E2F2: variants seen among roughly 807,000 people sequenced by gnomAD.
The protein encoded by E2F2 is transcription factor E2F2.
E2F2 carries 22 observed loss-of-function variants against 42.2 expected under a neutral mutation model. That is an observed-to-expected ratio of 0.52 (90% CI 0.37 to 0.74). The LOEUF (loss-of-function observed/expected upper bound fraction) is 0.74, where lower values mean the gene tolerates loss of function less well. E2F2 is among the 30% of genes least tolerant of loss of function. The pLI, the probability that E2F2 is intolerant of heterozygous loss-of-function variation, is 0.00. For synonymous variants in E2F2, 248 were observed against 251.6 expected (o/e 0.99, Z 0.13); for missense variants, 481 against 557.8 (o/e 0.86, Z 1.39).
chr1:23,512,486 C>T (rs945722629), intron 6 of E2F2, among the ~76,000 whole-genome samples: 1 of 152,090 alleles, frequency 6.6e-6, no homozygotes, highest in South Asian at 2.1e-4. Flanking sequence ...TTGTTTGGCA[C>T]GCTGCTGATG....
rs747749050 is a variant in E2F2 at position 23,509,755 on chromosome 1, C to T, written c.*125G>A. 7.5e-5 allele frequency: 106 copies of T among 1,408,846 alleles called. No individual in the cohort carries two copies. The highest frequency in any genetic ancestry group is 9.6e-5 in the Non-Finnish European group (103 of 1,077,082). 87.3% of individuals were successfully genotyped at this position (1,408,846 alleles called of 1,614,324 possible). A position where few individuals can be genotyped will look rare whatever the true frequency, so the allele number is the denominator to read the frequency against. ...CTTCTGCCGGCTGGGGCAGGAAAGG[C>T]GAGGAGACCCCATGCCCTGAGGGCA... is the stretch of plus-strand genomic sequence containing the variant. On this transcript the variant is annotated 3_prime_UTR_variant, in exon 7 of 7. Transcript: ENST00000361729.
Position 23,531,231 on chromosome 1 carries a change from T to A in E2F2, c.-438A>T. 6.0e-6 allele frequency: 1 copy of A among 167,984 alleles called. No homozygotes were observed. The allele number at this position is 167,984 out of a possible 1,614,324, so 10.4% of individuals were successfully genotyped here. A position where few individuals can be genotyped will look rare whatever the true frequency, so the allele number is the denominator to read the frequency against. On this transcript the variant is annotated 5_prime_UTR_variant, in exon 1 of 7. Coordinates refer to ENST00000361729, the MANE Select transcript of E2F2 (RefSeq NM_004091.4). ...TCGCTCTCTAGTCCTTGAGTCTTTC[T>A]CTGCCTCTTTTTTTTCTTCTTTTTT... is the stretch of plus-strand genomic sequence containing the variant.
intron 6 of E2F2, among the ~76,000 whole-genome samples, chr1:23,513,562 ATGTGTG>A (rs71023281): frequency 0.031 from 4,236 of 135,186 alleles, 71 homozygotes; most frequent in African/African-American, 0.038. Flanking sequence ...AGCACGGAAC[ATGTGTG>A]TGTGTGTGTG....
Position 23,524,473 on chromosome 1 carries a change from C to G in E2F2, c.268G>C (p.Asp90His). ...AGRLPAKRKL[D>H]LEGIGRPVVP... is the part of the protein sequence containing the mutation. The stretch of plus-strand genomic sequence containing the variant: ...ACGGGCCTCCCAATCCCCTCCAGAT[C>G]CAGCTTCCTTTTGGCCTTGGAGAAA... Residue 90 changes from aspartate (D) to histidine (H), a missense_variant, in exon 2 of 7, where the codon GAT (aspartate) becomes CAT (histidine). By Grantham distance (81) the Asp-to-His change is moderately conservative (BLOSUM62 -1). Coordinates refer to ENST00000361729, the MANE Select transcript of E2F2 (RefSeq NM_004091.4). 6.2e-7 allele frequency: 1 copy of G among 1,613,576 alleles called. No homozygotes were observed. The highest frequency in any genetic ancestry group is 8.5e-7 in the Non-Finnish European group (1 of 1,179,762).
chr1:23,528,473 G>A (rs930139745), intron 1 of E2F2, among the ~76,000 whole-genome samples: 4 of 152,174 alleles, frequency 2.6e-5, no homozygotes, highest in African/African-American at 7.2e-5. Flanking sequence ...TGACAGGAGC[G>A]GGAGCTCTGG....
At chr1:23,529,403 G>A (rs1643302569) in intron 1 of E2F2, among the ~76,000 whole-genome samples, 1 of 152,184 alleles carries the variant, frequency 6.6e-6, no homozygotes, top group Non-Finnish European at 1.5e-5. Context: ...GGGAGTGGTG[G>A]CTCTGCCTGC....
chr1:23,517,878 G>C (rs570630511), intron 5 of E2F2, among the ~76,000 whole-genome samples: 1 of 152,254 alleles, frequency 6.6e-6, no homozygotes, highest in East Asian at 1.9e-4. Context: ...CATGTATGAG[G>C]GTCTTGCACG....
At chr1:23,518,506 A>G (rs1643071296) in intron 5 of E2F2, among the ~76,000 whole-genome samples, 1 of 151,888 alleles carries the variant, frequency 6.6e-6, no homozygotes, top group South Asian at 2.1e-4. Flanking sequence ...TAAATCAAAC[A>G]AAACAGAAGA....
rs142394250 is a variant in E2F2, at chr1:23,528,979, G to A, written c.252+1563C>T. On this transcript the variant is annotated intron_variant, in intron 1 of 6. Transcript: ENST00000361729. ...TGTAATCCCAGCACTTTGGGAGGCTGAGGCAAGAGGATTGCTTGAGCCCAG... is the reference window on the plus strand; with the variant it reads ...TGTAATCCCAGCACTTTGGGAGGCTAAGGCAAGAGGATTGCTTGAGCCCAG... Among the ~76,000 whole-genome samples the A allele has an allele frequency of 7.9e-3, 1,198 of 152,286 alleles. 9 individuals carry two copies. The highest frequency in any genetic ancestry group is 0.011 in the Non-Finnish European group (743 of 68,000).
At chr1:23,517,727 C>T (rs1042205853) in intron 5 of E2F2, among the ~76,000 whole-genome samples, 1 of 152,136 alleles carries the variant, frequency 6.6e-6, no homozygotes, top group Non-Finnish European at 1.5e-5. Flanking sequence ...TTAAAGGCAG[C>T]GGAAAAGCAC....
At chr1:23,511,589 A>G (rs895085308) in intron 6 of E2F2, among the ~76,000 whole-genome samples, 17 of 152,122 alleles carry the variant, frequency 1.1e-4, no homozygotes, top group African/African-American at 2.4e-4. Flanking sequence ...GGGACATGCA[A>G]TGAAGCACTG....
intron 4 of E2F2, among the ~76,000 whole-genome samples, chr1:23,519,993 G>C (rs1048972660): frequency 1.3e-5 from 2 of 150,860 alleles, no homozygotes; most frequent in East Asian, 3.9e-4. Context: ...CAGGAGAATC[G>C]CTTGAACCCA....
In E2F2 at chr1:23,509,819, T is replaced by A; in HGVS notation, c.*61A>T. The A allele has an allele frequency of 1.3e-6, 2 of 1,491,520 alleles. No homozygotes were observed. The highest frequency in any genetic ancestry group is 2.8e-5 in the South Asian group (2 of 72,034). The allele number at this position is 1,491,520 out of a possible 1,614,324, so 92.4% of individuals were successfully genotyped here. A position where few individuals can be genotyped will look rare whatever the true frequency, so the allele number is the denominator to read the frequency against. ...AATGTCCCTGTGCAGGCAGAGGGGCTGTCAGCCTGTCTGTGAGGAGGTAGA... is the reference window on the plus strand; with the variant it reads ...AATGTCCCTGTGCAGGCAGAGGGGCAGTCAGCCTGTCTGTGAGGAGGTAGA... On this transcript the variant is annotated 3_prime_UTR_variant, in exon 7 of 7. Transcript: ENST00000361729.
At chr1:23,511,832 C>T (rs1193751095) in intron 6 of E2F2, among the ~76,000 whole-genome samples, 3 of 152,130 alleles carry the variant, frequency 2.0e-5, no homozygotes, top group African/African-American at 7.2e-5. Context: ...CATTTTCTCC[C>T]CTCTGCATGG....
intron 6 of E2F2, among the ~76,000 whole-genome samples, chr1:23,514,717 A>T (rs1327583025): frequency 6.6e-6 from 1 of 151,080 alleles, no homozygotes; most frequent in Non-Finnish European, 1.5e-5. Context: ...GGCACCTGTA[A>T]TCCCAGCTAC....
intron 5 of E2F2, among the ~76,000 whole-genome samples, chr1:23,517,961 G>A (rs1053587431): frequency 1.3e-4 from 20 of 151,726 alleles, no homozygotes; most frequent in African/African-American, 4.4e-4. Context: ...CTTCTATGCC[G>A]AAGTTCAAGA....
intron 2 of E2F2, among the ~76,000 whole-genome samples, chr1:23,524,078 A>AC (rs1207550391): frequency 1.0e-5 from 1 of 95,748 alleles, no homozygotes; most frequent in Non-Finnish European, 2.4e-5. Flanking sequence ...GTCTCACAAC[A>AC]ACAACAACAA....
chr1:23,506,975 G>A lies in E2F2; in HGVS notation c.*2905C>T, dbSNP rs1642808470. 2 of 152,144 alleles carry A rather than the reference G, an allele frequency of 1.3e-5. No individual in the cohort carries two copies. The highest frequency in any genetic ancestry group is 1.5e-5 in the Non-Finnish European group (1 of 68,044). 9.4% of individuals were successfully genotyped at this position (152,144 alleles called of 1,614,324 possible). On this transcript the variant is annotated 3_prime_UTR_variant, in exon 7 of 7. Transcript: ENST00000361729. ...TTACTGTGGAAAAGGGACACCCTCTGGTCTATTCTAACACCTTTAATGGGA... is the reference window on the plus strand; with the variant it reads ...TTACTGTGGAAAAGGGACACCCTCTAGTCTATTCTAACACCTTTAATGGGA...
chr1:23,509,885 T>G lies in E2F2; in HGVS notation c.1309A>C (p.Asn437His), dbSNP rs754037288. The change falls in exon 7 of 7, where the codon AAT (asparagine) becomes CAT (histidine). Residue 437 changes from asparagine to histidine, a missense_variant. Physicochemically the swap from Asn to His is moderately conservative, Grantham distance 68. Transcript: ENST00000361729. The stretch of plus-strand genomic sequence containing the variant: ...CTGGGGGCAGGCAGGGCCACTCAAT[T>G]AATCAACAGGTCCCCAAGGTCGTAG... ...DSYDLGDLLIN is the reference protein window; with the variant it reads ...DSYDLGDLLIH The G allele has an allele frequency of 6.5e-7, 1 of 1,538,108 alleles. No individual in the cohort carries two copies. Among genetic ancestry groups the G allele is most frequent in the Non-Finnish European group, 8.8e-7 (1 of 1,138,876 alleles).
Sources: gnomAD v4.1 joint callset for allele counts (sites outside exome capture counted in the v4.1 genomes callset) on GRCh38, gnomAD v4.1.1 for gene constraint, MANE v1.5 for transcripts, NCBI Gene and HGNC (gene_info 2026-07-23, HGNC 2026-07-21) for gene names.